MRPL3: variants seen among roughly 807,000 people sequenced by gnomAD.
MRPL3 encodes large ribosomal subunit protein uL3m.
MRPL3 carries 43 observed loss-of-function variants against 44.3 expected under a neutral mutation model. That is an observed-to-expected ratio of 0.97 (90% CI 0.76 to 1.25). MRPL3 has a LOEUF of 1.25. MRPL3 is among the 50% of genes most tolerant of loss of function. MRPL3 has a pLI of 0.00. For missense variants in MRPL3, 406 were observed against 427.6 expected (o/e 0.95, Z 0.45); for synonymous variants, 171 against 152.3 (o/e 1.12, Z -0.91).
At chr3:131,492,563 G>A (rs1260871638) in intron 4 of MRPL3, among the ~76,000 whole-genome samples, 2 of 152,074 alleles carry the variant, frequency 1.3e-5, no homozygotes, top group African/African-American at 4.8e-5. Flanking sequence ...AGAATCTAAC[G>A]CTGCCACTGA....
intron 6 of MRPL3, 141 bp downstream of exon 6, chr3:131,487,539 A>G: frequency 1.4e-6 from 1 of 693,410 alleles, no homozygotes; most frequent in Non-Finnish European, 2.4e-6. Flanking sequence ...CAGTGTAGGT[A>G]ACATGAAAGA....
At chr3:131,483,863 T>C (rs1934053011) in intron 6 of MRPL3, among the ~76,000 whole-genome samples, 1 of 152,154 alleles carries the variant, frequency 6.6e-6, no homozygotes, top group South Asian at 2.1e-4. Context: ...GCAATTAAAG[T>C]TGAAGGTATA....
intron 9 of MRPL3, among the ~76,000 whole-genome samples, chr3:131,466,285 T>A (rs1305701856): frequency 2.6e-5 from 4 of 152,276 alleles, no homozygotes; most frequent in South Asian, 4.1e-4. Flanking sequence ...TTTGCTGCTA[T>A]CATTGGAAAA....
At chr3:131,480,545 G>T (rs1290485273) in intron 6 of MRPL3, among the ~76,000 whole-genome samples, 1 of 152,144 alleles carries the variant, frequency 6.6e-6, no homozygotes, top group Admixed American at 6.5e-5. Flanking sequence ...ACTGCTTACG[G>T]CTTTTCTGAC....
At chr3:131,502,478 G>C (rs925426804) in intron 1 of MRPL3, among the ~76,000 whole-genome samples, 1 of 152,222 alleles carries the variant, frequency 6.6e-6, no homozygotes, top group Non-Finnish European at 1.5e-5. Context: ...CCTGGCAAAC[G>C]CTCACTAATT....
chr3:131,501,433 C>G (rs1384157796), intron 2 of MRPL3, 98 bp downstream of exon 2: 4 of 1,049,616 alleles, frequency 3.8e-6, no homozygotes, highest in East Asian at 2.4e-5. Flanking sequence ...AAAATAAATT[C>G]AAGAAATGAT....
chr3:131,468,539 C>T (rs1200450367), intron 8 of MRPL3, among the ~76,000 whole-genome samples: 9 of 152,050 alleles, frequency 5.9e-5, no homozygotes, highest in Non-Finnish European at 2.9e-5. Context: ...CACAACCTCA[C>T]TGATTCTAAT....
chr3:131,473,227 C>T (rs6785421), intron 6 of MRPL3, among the ~76,000 whole-genome samples: 82,185 of 151,886 alleles, frequency 0.54, 22,443 homozygotes, highest in African/African-American at 0.58. Context: ...CACAGAACAA[C>T]GGAACAGAAC....
At chr3:131,475,511 A>T (rs895055402) in intron 6 of MRPL3, among the ~76,000 whole-genome samples, 6 of 152,222 alleles carry the variant, frequency 3.9e-5, no homozygotes, top group African/African-American at 1.4e-4. Context: ...ATGATACATT[A>T]CATGTATGAC....
Position 131,502,629 on chromosome 3 carries a change from G to A in MRPL3, c.92+101C>T, listed in dbSNP as rs889263515. ...TTCTTCTGTGTCCCACGTCTCAACA[G>A]AGCCCCTTCCTCCTCCACCCAGGGG... On this transcript the variant is annotated intron_variant, in intron 1 of 9. Transcript: ENST00000264995. 9 of 912,108 alleles carry A rather than the reference G, an allele frequency of 9.9e-6. No homozygotes were observed. The East Asian group carries it at 1.1e-4, about 11-fold the overall frequency. The allele number at this position is 912,108 out of a possible 1,614,324, so 56.5% of individuals were successfully genotyped here.
intron 4 of MRPL3, among the ~76,000 whole-genome samples, chr3:131,492,337 T>C (rs1176259185): frequency 6.6e-6 from 1 of 152,142 alleles, no homozygotes; most frequent in Non-Finnish European, 1.5e-5. Context: ...ATGATACACA[T>C]TTTTTACTGT....
chr3:131,497,234 T>C (rs1934388765), intron 4 of MRPL3, among the ~76,000 whole-genome samples: 1 of 152,266 alleles, frequency 6.6e-6, no homozygotes, highest in South Asian at 2.1e-4. Context: ...CTCTACCTTT[T>C]ACCAGTGGGT....
At chr3:131,480,015 T>A (rs1434284874) in intron 6 of MRPL3, among the ~76,000 whole-genome samples, 1 of 152,180 alleles carries the variant, frequency 6.6e-6, no homozygotes, top group Non-Finnish European at 1.5e-5. Context: ...AAACAAAAAA[T>A]TCTAATAAAC....
At chr3:131,466,938 T>C (rs1242174837) in intron 9 of MRPL3, among the ~76,000 whole-genome samples, 2 of 152,048 alleles carry the variant, frequency 1.3e-5, no homozygotes, top group African/African-American at 4.8e-5. Flanking sequence ...AATACCGGAA[T>C]GTATTCTTCC....
intron 9 of MRPL3, among the ~76,000 whole-genome samples, chr3:131,465,422 G>A (rs553114933): frequency 4.1e-4 from 62 of 152,264 alleles, no homozygotes; most frequent in African/African-American, 1.5e-3. Flanking sequence ...CAAGATAATT[G>A]ACCATTCATC....
intron 4 of MRPL3, among the ~76,000 whole-genome samples, chr3:131,494,307 C>T (rs928098325): frequency 6.6e-6 from 1 of 152,182 alleles, no homozygotes; most frequent in African/African-American, 2.4e-5. Flanking sequence ...CACCCAACAC[C>T]ACTATTATCA....
intron 6 of MRPL3, among the ~76,000 whole-genome samples, chr3:131,479,404 G>A (rs1933926401): frequency 6.6e-6 from 1 of 152,078 alleles, no homozygotes; most frequent in African/African-American, 2.4e-5. Flanking sequence ...AATAGAAGTG[G>A]GGGTGGGAAG....
intron 6 of MRPL3, among the ~76,000 whole-genome samples, chr3:131,482,268 G>C (rs967364821): frequency 2.6e-5 from 4 of 152,028 alleles, no homozygotes; most frequent in Non-Finnish European, 5.9e-5. Flanking sequence ...TGTAATCCCA[G>C]CACTTTGAGA....
chr3:131,479,800 G>A (rs1933938789), intron 6 of MRPL3, among the ~76,000 whole-genome samples: 1 of 152,192 alleles, frequency 6.6e-6, no homozygotes. Context: ...AGCCGAGATC[G>A]CGCCGCTGCA....
Sources: gnomAD v4.1 joint callset for allele counts (sites outside exome capture counted in the v4.1 genomes callset) on GRCh38, gnomAD v4.1.1 for gene constraint, MANE v1.5 for transcripts, NCBI Gene and HGNC (gene_info 2026-07-23, HGNC 2026-07-21) for gene names.